The following BANK1 variants were observed in gnomAD, a reference collection of about 807,000 sequenced individuals.
BANK1 encodes the protein B cell scaffold protein with ankyrin repeats 1, also known as B-cell scaffold protein with ankyrin repeats.
Under a neutral mutation model 94.5 loss-of-function variants are expected in BANK1, and 95 were observed. The ratio of observed to expected loss-of-function variants is 1.00; its 90% CI spans 0.85 to 1.19. The LOEUF (loss-of-function observed/expected upper bound fraction) is 1.19. BANK1 is among the 50% of genes most tolerant of loss of function. The pLI is 0.00. For missense variants in BANK1, 987 were observed against 932.2 expected, an observed-to-expected ratio of 1.06 and a Z score of -0.77; for synonymous variants, 334 against 308.4, an observed-to-expected ratio of 1.08 and a Z score of -0.87.
rs1181668507 is a variant in BANK1 at position 102,056,908 on chromosome 4, G to A, written c.1970-3303G>A. 2.0e-5 allele frequency among the ~76,000 whole-genome samples: 3 copies of A among 152,150 alleles called. No individual in the cohort carries two copies. The East Asian group carries it at 5.8e-4, about 29-fold the overall frequency. ...GTAATCCCTCTACTCAAGAGGCTGA[G>A]ACAGGAGAATCACTTGAACTCAGGA... On this transcript the variant is annotated intron_variant, in intron 11 of 16. Coordinates refer to ENST00000322953, the MANE Select transcript of BANK1 (RefSeq NM_017935.5).
intron 7 of BANK1, among the ~76,000 whole-genome samples, chr4:102,001,212 TC>T (rs1726057955): frequency 1.3e-5 from 2 of 152,180 alleles, no homozygotes; most frequent in Non-Finnish European, 2.9e-5. Context: ...TGGGGACACT[TC>T]AGGTAATTTG....
chr4:102,003,855 T>A (rs1353619302), intron 7 of BANK1, among the ~76,000 whole-genome samples: 1 of 151,532 alleles, frequency 6.6e-6, no homozygotes, highest in African/African-American at 2.4e-5. Context: ...GCCTATTTCA[T>A]ATTTAAATAT....
chr4:102,007,148 A>ATATATATATAAAAAATATAT (rs1726329370), intron 7 of BANK1, among the ~76,000 whole-genome samples: 211 of 11,968 alleles, frequency 0.018, 7 homozygotes, highest in African/African-American at 0.086. Flanking sequence ...AATATATTTT[A>ATATATATATAAAAAATATAT]TATATATATA....
intron 7 of BANK1, among the ~76,000 whole-genome samples, chr4:101,988,198 G>A (rs115134172): frequency 0.026 from 3,967 of 152,252 alleles, 181 homozygotes; most frequent in African/African-American, 0.092. Context: ...TTTAATTTTA[G>A]AATAGTTCTC....
intron 3 of BANK1, among the ~76,000 whole-genome samples, chr4:101,860,452 A>T (rs920488756): frequency 7.3e-5 from 11 of 151,640 alleles, no homozygotes; most frequent in African/African-American, 2.7e-4. Flanking sequence ...TTTTTTCGAC[A>T]CAGAGACTTG....
chr4:101,915,968 G>C (rs1722814421), intron 6 of BANK1, among the ~76,000 whole-genome samples: 1 of 151,984 alleles, frequency 6.6e-6, no homozygotes, highest in South Asian at 2.1e-4. Context: ...CAGATCCACA[G>C]AAATAATAAC....
chr4:101,974,023 T>A (rs1015998920), intron 7 of BANK1, among the ~76,000 whole-genome samples: 21 of 152,116 alleles, frequency 1.4e-4, no homozygotes, highest in African/African-American at 5.1e-4. Context: ...TATTGTTGTG[T>A]TAATTGAACC....
Position 102,060,332 on chromosome 4 carries a change from T to G in BANK1, c.2091T>G (p.Ala697=). The G allele has an allele frequency of 1.2e-6, 2 of 1,610,970 alleles. No individual in the cohort carries two copies. The highest frequency in any genetic ancestry group is 2.7e-5 in the African/African-American group (2 of 74,778). The change falls in exon 12 of 17, where the codon GCT becomes GCG. Residue 697 remains alanine, a synonymous_variant. Transcript: ENST00000322953. ...ATGGGAAAATGTCTATGGATGAAGC[T>G]CTGGAGAAATTTAAACACTGGCAGA... ...VKNGKMSMDE[A]LEKFKHWQMG...
intron 1 of BANK1, among the ~76,000 whole-genome samples, chr4:101,829,585 T>C (rs1726521627): frequency 6.6e-6 from 1 of 152,042 alleles, no homozygotes; most frequent in Non-Finnish European, 1.5e-5. Flanking sequence ...TTATTTATTA[T>C]ACTCTTTCAT....
At chr4:101,836,804 GGT>G (rs1726846860) in intron 2 of BANK1, among the ~76,000 whole-genome samples, 3 of 152,252 alleles carry the variant, frequency 2.0e-5, no homozygotes, top group African/African-American at 7.2e-5. Context: ...AAAATCAAGA[GGT>G]TAAAAGAAAG....
intron 6 of BANK1, among the ~76,000 whole-genome samples, chr4:101,914,156 A>G (rs771784175): frequency 5.9e-5 from 9 of 152,182 alleles, no homozygotes; most frequent in African/African-American, 1.4e-4. Flanking sequence ...TCAAGGCTCT[A>G]GAACTGCTCT....
At chr4:102,058,601 C>A (rs1417352661) in intron 11 of BANK1, among the ~76,000 whole-genome samples, 1 of 151,544 alleles carries the variant, frequency 6.6e-6, no homozygotes, top group African/African-American at 2.4e-5. Flanking sequence ...GACTTGTATA[C>A]CCTTAGAATA....
At chr4:101,987,136 A>T (rs1725534401) in intron 7 of BANK1, among the ~76,000 whole-genome samples, 1 of 151,586 alleles carries the variant, frequency 6.6e-6, no homozygotes, top group Non-Finnish European at 1.5e-5. Flanking sequence ...TTTAGGAAAG[A>T]TGGTTGCTTA....
chr4:101,801,014 T>C (rs1230381043), intron 1 of BANK1, among the ~76,000 whole-genome samples: 1 of 152,202 alleles, frequency 6.6e-6, no homozygotes, highest in African/African-American at 2.4e-5. Flanking sequence ...TGCCTTGGCC[T>C]CCCAAGGTGC....
intron 7 of BANK1, among the ~76,000 whole-genome samples, chr4:101,993,855 T>C: frequency 6.6e-6 from 1 of 152,242 alleles, no homozygotes; most frequent in East Asian, 1.9e-4. Context: ...ATTTGCAGTT[T>C]AAGCTTTTCT....
At position 102,060,262 on chromosome 4, in the gene BANK1, C is replaced by G. The variant is rs571583427; in HGVS notation, c.2021C>G (p.Thr674Ser). The G allele has an allele frequency of 3.9e-5, 63 of 1,607,582 alleles. 1 individual carries two copies. The East Asian group carries it at 9.2e-4, about 24-fold the overall frequency. Residue 674 changes from threonine to serine, a missense_variant, in exon 12 of 17, where the codon ACT becomes AGT. Coordinates refer to ENST00000322953, the MANE Select transcript of BANK1 (RefSeq NM_017935.5). ...TTTTCTACTCTCAGGGGCTGTCTAA[C>G]TGATGGTCAGGAAGAACTCATCCTC... ...PAFSTLRGCL[T>S]DGQEELILLQ...
intron 5 of BANK1, among the ~76,000 whole-genome samples, chr4:101,886,761 T>TGG (rs11452529): frequency 2.3e-3 from 314 of 135,096 alleles, no homozygotes; most frequent in South Asian, 9.8e-3. Flanking sequence ...AACAATATAT[T>TGG]GGGGGGGGGG....
chr4:101,829,025 G>T (rs1217800722), intron 1 of BANK1, among the ~76,000 whole-genome samples: 1 of 151,968 alleles, frequency 6.6e-6, no homozygotes, highest in African/African-American at 2.4e-5. Context: ...ACCACACCCA[G>T]CTAATTTTTT....
At chr4:102,066,607 A>C (rs1413644458) in intron 13 of BANK1, among the ~76,000 whole-genome samples, 1 of 152,198 alleles carries the variant, frequency 6.6e-6, no homozygotes, top group Non-Finnish European at 1.5e-5. Flanking sequence ...TCCAGAGGAA[A>C]TATACCTCAA....
Sources: allele counts gnomAD v4.1 joint callset (sites outside exome capture counted in the v4.1 genomes callset), GRCh38; gene constraint gnomAD v4.1.1; transcripts MANE v1.5; gene names NCBI Gene and HGNC (gene_info 2026-07-23, HGNC 2026-07-21).